Variants in DGKB observed in about 807,000 individuals in gnomAD.
DGKB encodes the protein diacylglycerol kinase beta.
A neutral mutation model predicts 114.3 loss-of-function variants in DGKB; 67 were observed. The ratio of observed to expected loss-of-function variants is 0.59; its 90% CI spans 0.48 to 0.72. The LOEUF is 0.72. Among genes scored for constraint, DGKB ranks in the 30% least tolerant of loss-of-function variants. The pLI is 0.00. For synonymous variants in DGKB, 398 were observed against 323.1 expected, an observed-to-expected ratio of 1.23 and a Z score of -2.49; for missense variants, 907 against 975.2, an observed-to-expected ratio of 0.93 and a Z score of 0.93.
chr7:14,801,430 G>A (rs945466688), intron 2 of DGKB, among the ~76,000 whole-genome samples: 1 of 152,108 alleles, frequency 6.6e-6, no homozygotes, highest in African/African-American at 2.4e-5. Flanking sequence ...ATTAAACATG[G>A]TTTCTGAGTG....
At chr7:14,460,578 A>G (rs1832939132) in intron 21 of DGKB, among the ~76,000 whole-genome samples, 1 of 152,170 alleles carries the variant, frequency 6.6e-6, no homozygotes, top group Non-Finnish European at 1.5e-5. Flanking sequence ...ATATGCATCC[A>G]ATACAGGGGG....
At chr7:14,328,919 T>C (rs542381178) in intron 23 of DGKB, among the ~76,000 whole-genome samples, 1 of 152,108 alleles carries the variant, frequency 6.6e-6, no homozygotes, top group South Asian at 2.1e-4. Context: ...TAACCTGAGT[T>C]GACAAACTCG....
rs1212128977 is a variant in DGKB, at chr7:14,709,158, C to G, written c.467-7428G>C. Among the ~76,000 whole-genome samples, 3 of 152,006 alleles carry G rather than the reference C, an allele frequency of 2.0e-5. No individual in the cohort carries two copies. The South Asian group carries it at 6.2e-4, about 32-fold the overall frequency. ...ACCCCATCAAAAAGTGGGCGAAGGA[C>G]ATGAACAGACACTTCTCAAAAGAAG... On this transcript the variant is annotated intron_variant, in intron 6 of 25. Coordinates refer to ENST00000402815, the MANE Select transcript of DGKB (RefSeq NM_001350709.2).
chr7:14,612,152 C>CTTATTTTATTTTATTTTATT (rs1392275749), intron 16 of DGKB, among the ~76,000 whole-genome samples: 3 of 92,810 alleles, frequency 3.2e-5, no homozygotes, highest in East Asian at 9.8e-4. Flanking sequence ...AAATCTTATA[C>CTTATTTTATTTTATTTTATT]TCATTTTATT....
At chr7:14,396,153 A>G (rs1300352099) in intron 21 of DGKB, among the ~76,000 whole-genome samples, 1 of 152,092 alleles carries the variant, frequency 6.6e-6, no homozygotes, top group African/African-American at 2.4e-5. Flanking sequence ...AGGAATTAAT[A>G]TATTTTAAAT....
chr7:14,936,147 ATG>A (rs1264751167), intron 1 of DGKB, among the ~76,000 whole-genome samples: 1 of 152,174 alleles, frequency 6.6e-6, no homozygotes, highest in Admixed American at 6.6e-5. Context: ...GTAAACTCTA[ATG>A]TATTTTCAGA....
intron 13 of DGKB, among the ~76,000 whole-genome samples, chr7:14,660,593 T>C (rs1816840875): frequency 6.6e-6 from 1 of 152,102 alleles, no homozygotes; most frequent in South Asian, 2.1e-4. Flanking sequence ...ATTGCGTCTA[T>C]TTGATTCTTC....
chr7:14,735,576 G>A (rs371352484), intron 5 of DGKB, among the ~76,000 whole-genome samples: 4 of 152,086 alleles, frequency 2.6e-5, no homozygotes, highest in African/African-American at 4.8e-5. Context: ...CCATCTCTAC[G>A]GTGACACAAA....
intron 21 of DGKB, among the ~76,000 whole-genome samples, chr7:14,374,843 C>T (rs1818235942): frequency 6.6e-6 from 1 of 152,158 alleles, no homozygotes; most frequent in African/African-American, 2.4e-5. Flanking sequence ...TTACTACCCC[C>T]AACCTTGTCG....
In DGKB at chr7:14,149,096, G is replaced by A; in HGVS notation, c.*35C>T. On this transcript the variant is annotated 3_prime_UTR_variant, in exon 26 of 26. Transcript: ENST00000402815. ...CATATGTGTTCCATGGCCCAATTAT[G>A]CTAATTCAATTTCTAAGAGTGAAAC... 1 of 1,555,202 alleles carries A rather than the reference G, an allele frequency of 6.4e-7. No homozygotes were observed. Among genetic ancestry groups the A allele is most frequent in the South Asian group, 1.1e-5 (1 of 89,890 alleles).
chr7:14,512,829 G>A lies in DGKB; in HGVS notation c.1771-34604C>T, dbSNP rs541358237. Among the ~76,000 whole-genome samples the A allele has an allele frequency of 3.3e-5, 5 of 152,162 alleles. No individual in the cohort carries two copies. The South Asian group carries it at 1.0e-3, about 32-fold the overall frequency. Reference sequence around the variant, plus strand: ...AATTATAAAATCTCCCTCAGACAAAGTTTACACACCAAAACCTGAAAGAGC... The same window carrying A: ...AATTATAAAATCTCCCTCAGACAAAATTTACACACCAAAACCTGAAAGAGC... On this transcript the variant is annotated intron_variant, in intron 20 of 25. Transcript: ENST00000402815.
chr7:14,205,063 T>G (rs948732525), intron 23 of DGKB, among the ~76,000 whole-genome samples: 2 of 152,012 alleles, frequency 1.3e-5, no homozygotes, highest in African/African-American at 4.8e-5. Context: ...TCAGATATCT[T>G]ACAGGCTTAT....
rs535016681 is a variant in DGKB, at chr7:14,754,507, T to A, written c.148-559A>T. ...ATTAAAATATATTTCTATACACATC[T>A]GCCACTTTCTTCCCATATCTCAGCT... On this transcript the variant is annotated intron_variant, in intron 3 of 25. Transcript: ENST00000402815. Among the ~76,000 whole-genome samples the A allele has an allele frequency of 1.1e-4, 17 of 152,250 alleles. No individual in the cohort carries two copies. The South Asian group carries it at 3.1e-3, about 28-fold the overall frequency.
chr7:14,279,870 A>G (rs1281986027), intron 23 of DGKB, among the ~76,000 whole-genome samples: 1 of 150,244 alleles, frequency 6.7e-6, no homozygotes, highest in Non-Finnish European at 1.5e-5. Flanking sequence ...CATCACCATC[A>G]TCAAACACCA....
intron 21 of DGKB, among the ~76,000 whole-genome samples, chr7:14,367,238 A>G (rs970579111): frequency 6.6e-6 from 1 of 152,058 alleles, no homozygotes; most frequent in Non-Finnish European, 1.5e-5. Context: ...AGGCTAGGTG[A>G]TATGGTTTGG....
At position 14,461,393 on chromosome 7, in the gene DGKB, T is replaced by C. The variant is rs111562948; in HGVS notation, c.1835+16768A>G. On this transcript the variant is annotated intron_variant, in intron 21 of 25. Coordinates refer to ENST00000402815, the MANE Select transcript of DGKB (RefSeq NM_001350709.2). ...ATAAAGAAAAGAGAGAAGAATCAAA[T>C]AGACAGAGTAAAAAATGGTAAAGGG... 8.7e-3 allele frequency among the ~76,000 whole-genome samples: 1,294 copies of C among 148,876 alleles called. 21 individuals carry two copies. The highest frequency in any genetic ancestry group is 0.031 in the African/African-American group (1,236 of 40,462).
At chr7:14,960,006 G>T (rs988809967) in intron 1 of DGKB, among the ~76,000 whole-genome samples, 1 of 151,978 alleles carries the variant, frequency 6.6e-6, no homozygotes, top group Non-Finnish European at 1.5e-5. Context: ...GGTCACACTG[G>T]CTGTATTTTT....
At chr7:14,915,972 C>G (rs1784219693) in intron 1 of DGKB, among the ~76,000 whole-genome samples, 1 of 151,964 alleles carries the variant, frequency 6.6e-6, no homozygotes, top group African/African-American at 2.4e-5. Flanking sequence ...TAATAGATAA[C>G]TATTCAACAT....
At chr7:14,667,400 GA>G (rs1818230361) in intron 13 of DGKB, among the ~76,000 whole-genome samples, 1 of 151,868 alleles carries the variant, frequency 6.6e-6, no homozygotes, top group Non-Finnish European at 1.5e-5. Flanking sequence ...CAGAGTCAAC[GA>G]CTAAGGAAAA....
Sources: gnomAD v4.1 joint callset for allele counts (sites outside exome capture counted in the v4.1 genomes callset) on GRCh38, gnomAD v4.1.1 for gene constraint, MANE v1.5 for transcripts, NCBI Gene and HGNC (gene_info 2026-07-23, HGNC 2026-07-21) for gene names.